SLC4A10: variants seen among roughly 807,000 people sequenced by gnomAD.
SLC4A10 encodes the protein solute carrier family 4 member 10, also known as sodium-driven chloride bicarbonate exchanger.
Under a neutral mutation model 137.7 loss-of-function variants are expected in SLC4A10, and 42 were observed. That is an observed-to-expected ratio of 0.30 (90% CI 0.24 to 0.39). SLC4A10 has a LOEUF of 0.39. Among genes scored for constraint, SLC4A10 ranks in the 10% least tolerant of loss-of-function variants. The pLI is 1.00. For missense variants in SLC4A10, 925 were observed against 1,355.0 expected (o/e 0.68, Z 4.98); for synonymous variants, 474 against 464.1 (o/e 1.02, Z -0.27).
chr2:161,665,217 A>AT (rs1275651097), intron 1 of SLC4A10, among the ~76,000 whole-genome samples: 2 of 151,940 alleles, frequency 1.3e-5, no homozygotes, highest in East Asian at 3.9e-4. Context: ...CATGCACTTT[A>AT]ACTTTTCAAA....
At position 161,912,421 on chromosome 2, in the gene SLC4A10, C is replaced by T. The variant is rs757755164; in HGVS notation, c.1997+6534C>T. 2.0e-5 allele frequency among the ~76,000 whole-genome samples: 3 copies of T among 152,078 alleles called. No individual in the cohort carries two copies. In the South Asian group the frequency reaches 6.2e-4, roughly 31 times the overall value. On this transcript the variant is annotated intron_variant, in intron 15 of 26. Transcript: ENST00000446997. Reference sequence around the variant, plus strand: ...GAGTTCACAATCTTTGAAGTGCTGACCCCATTTCTGTTTGCTTCCTGAACT... The same window carrying T: ...GAGTTCACAATCTTTGAAGTGCTGATCCCATTTCTGTTTGCTTCCTGAACT...
intron 6 of SLC4A10, among the ~76,000 whole-genome samples, chr2:161,871,362 C>A (rs2061108466): frequency 6.7e-6 from 1 of 150,198 alleles, no homozygotes; most frequent in Admixed American, 6.7e-5. Context: ...TAAATATGAG[C>A]AAGGCTTCAG....
intron 15 of SLC4A10, among the ~76,000 whole-genome samples, chr2:161,909,587 C>T (rs1685334233): frequency 1.3e-5 from 2 of 152,186 alleles, no homozygotes; most frequent in Non-Finnish European, 2.9e-5. Context: ...CCTCACTGCA[C>T]TGGTTCTTCA....
rs1435446963 is a variant in SLC4A10, at chr2:161,983,130, A to G, written c.*27-49A>G. 11 of 1,498,034 alleles carry G rather than the reference A, an allele frequency of 7.3e-6. No homozygotes were observed. In the East Asian group the frequency reaches 7.4e-5, roughly 10 times the overall value. 92.8% of individuals were successfully genotyped at this position (1,498,034 alleles called of 1,614,324 possible). On this transcript the variant is annotated intron_variant, in intron 26 of 26. Transcript: ENST00000446997. ...TGTCTGAGCAAGCAGATGTCATAGT[A>G]GCCATGCTGGATTGCAGTAATAAAT...
chr2:161,943,962 ATTAC>A (rs1295783430), intron 16 of SLC4A10, among the ~76,000 whole-genome samples: 3 of 152,018 alleles, frequency 2.0e-5, no homozygotes, highest in African/African-American at 7.2e-5. Context: ...TTGAAATCAA[ATTAC>A]TTACTCTTTA....
At chr2:161,839,126 C>T (rs1480551808) in intron 3 of SLC4A10, among the ~76,000 whole-genome samples, 2 of 152,170 alleles carry the variant, frequency 1.3e-5, no homozygotes, top group African/African-American at 2.4e-5. Flanking sequence ...TGTTACTCAG[C>T]TATGAAAAAG....
intron 9 of SLC4A10, 128 bp from the exon 10 acceptor site, chr2:161,882,228 GA>G (rs1224236381): frequency 1.8e-6 from 1 of 564,964 alleles, no homozygotes; most frequent in African/African-American, 2.0e-5. Flanking sequence ...AATGAACTAT[GA>G]AAAACTATGG....
At chr2:161,641,945 C>T (rs1430331181) in intron 1 of SLC4A10, among the ~76,000 whole-genome samples, 1 of 151,898 alleles carries the variant, frequency 6.6e-6, no homozygotes, top group Admixed American at 6.5e-5. Flanking sequence ...TTTAAAAAAT[C>T]GACTTTTCAC....
intron 1 of SLC4A10, among the ~76,000 whole-genome samples, chr2:161,666,406 C>T (rs2105751709): frequency 6.6e-6 from 1 of 151,692 alleles, no homozygotes; most frequent in South Asian, 2.1e-4. Context: ...GAATAATCAG[C>T]TTTTCCCTGT....
Position 161,983,159 on chromosome 2 carries a change from T to TC in SLC4A10, c.*27-18dup, listed in dbSNP as rs1305018641. 6.5e-7 allele frequency: 1 copy of TC among 1,536,104 alleles called. No homozygotes were observed. Among genetic ancestry groups the TC allele is most frequent in the East Asian group, 2.4e-5 (1 of 40,902 alleles). On this transcript the variant is annotated intron_variant, in intron 26 of 26. Transcript: ENST00000446997. ...ATGCTGGATTGCAGTAATAAATGTG[T>TC]CCTTTTTTTCCTTCTGTAGCATTGA...
chr2:161,772,932 G>A (rs1352960252), intron 2 of SLC4A10, among the ~76,000 whole-genome samples: 1 of 151,634 alleles, frequency 6.6e-6, no homozygotes, highest in Non-Finnish European at 1.5e-5. Context: ...TGAAGTGATG[G>A]GTATTGTAGT....
chr2:161,970,437 A>T (rs895135293), intron 23 of SLC4A10, among the ~76,000 whole-genome samples: 5 of 152,234 alleles, frequency 3.3e-5, no homozygotes, highest in African/African-American at 9.6e-5. Context: ...CTATTCTATT[A>T]GTAGTTGAGG....
intron 1 of SLC4A10, among the ~76,000 whole-genome samples, chr2:161,692,252 T>A (rs921676327): frequency 1.3e-5 from 2 of 152,050 alleles, no homozygotes; most frequent in Admixed American, 1.3e-4. Context: ...AGATTAAAAA[T>A]TTTTATGTAG....
At position 161,662,138 on chromosome 2, in the gene SLC4A10, G is replaced by T. The variant is rs983546364; in HGVS notation, c.48+37572G>T. Among the ~76,000 whole-genome samples, 7 of 152,178 alleles carry T rather than the reference G, an allele frequency of 4.6e-5. No homozygotes were observed. In the South Asian group the frequency reaches 1.0e-3, roughly 23 times the overall value. ...TTATATCATAAACAATTGCTAAAGA[G>T]ACTAAGAGATCGTCTAGGCTCTTTC... is the stretch of plus-strand genomic sequence containing the variant. On this transcript the variant is annotated intron_variant, in intron 1 of 26. Transcript: ENST00000446997.
At chr2:161,884,502 G>A (rs1490383577) in intron 10 of SLC4A10, among the ~76,000 whole-genome samples, 5 of 152,184 alleles carry the variant, frequency 3.3e-5, no homozygotes, top group Non-Finnish European at 2.9e-5. Flanking sequence ...TTTAGGATGA[G>A]AACAGAGAAG....
chr2:161,698,650 A>T (rs987569487), intron 1 of SLC4A10, among the ~76,000 whole-genome samples: 1 of 152,156 alleles, frequency 6.6e-6, no homozygotes, highest in African/African-American at 2.4e-5. Flanking sequence ...CCTCCCAGGG[A>T]TGAAGCCCAC....
Position 161,714,139 on chromosome 2 carries a change from C to T in SLC4A10, c.49-56834C>T, listed in dbSNP as rs371042007. ...CTCATATAACTGAGAATGCTCTGTACTTCCTGTATAAATCTACATTATTTG... is the reference window on the plus strand; with the variant it reads ...CTCATATAACTGAGAATGCTCTGTATTTCCTGTATAAATCTACATTATTTG... On this transcript the variant is annotated intron_variant, in intron 1 of 26. Coordinates refer to ENST00000446997, the MANE Select transcript of SLC4A10 (RefSeq NM_001178015.2). Among the ~76,000 whole-genome samples, 5 of 151,972 alleles carry T rather than the reference C, an allele frequency of 3.3e-5. No individual in the cohort carries two copies. In the East Asian group the frequency reaches 9.7e-4, roughly 29 times the overall value.
intron 1 of SLC4A10, among the ~76,000 whole-genome samples, chr2:161,737,795 G>A (rs1490167642): frequency 6.6e-6 from 1 of 152,080 alleles, no homozygotes; most frequent in Non-Finnish European, 1.5e-5. Flanking sequence ...TAGAAATAAG[G>A]TTATTTGCTT....
rs571344904 is a variant in SLC4A10 at position 161,928,572 on chromosome 2, T to TA, written c.1998-14209dup. Among the ~76,000 whole-genome samples, 689 of 106,872 alleles carry TA rather than the reference T, an allele frequency of 6.4e-3. 4 individuals carry two copies. The highest frequency in any genetic ancestry group is 0.021 in the African/African-American group (614 of 28,568). The allele number at this position is 106,872 out of a possible 152,430, so 70.1% of individuals were successfully genotyped here. A position where few individuals can be genotyped will look rare whatever the true frequency, so the allele number is the denominator to read the frequency against. ...TATATAATAAAAATATCTTGAAAATTAAAAAAAAAAACAAACTTCTCAATG... is the reference window on the plus strand; with the variant it reads ...TATATAATAAAAATATCTTGAAAATTAAAAAAAAAAAACAAACTTCTCAATG... On this transcript the variant is annotated intron_variant, in intron 15 of 26. Transcript: ENST00000446997.
Sources: allele counts gnomAD v4.1 joint callset (sites outside exome capture counted in the v4.1 genomes callset), GRCh38; gene constraint gnomAD v4.1.1; transcripts MANE v1.5; gene names NCBI Gene and HGNC (gene_info 2026-07-23, HGNC 2026-07-21).